Variants in JCAD observed in about 807,000 individuals in gnomAD.
JCAD encodes junctional cadherin 5 associated, also known as junctional cadherin 5-associated protein.
Under a neutral mutation model 98.0 loss-of-function variants are expected in JCAD, and 40 were observed. The observed-to-expected ratio is 0.41, with a 90% CI of 0.32 to 0.53. The LOEUF (loss-of-function observed/expected upper bound fraction) is 0.53, where lower values mean the gene tolerates loss of function less well. Among genes scored for constraint, JCAD ranks in the 20% least tolerant of loss-of-function variants. The probability of loss-of-function intolerance (pLI) is 0.31; values close to 1 mark genes in which losing one functional copy is unlikely to be tolerated. For missense variants in JCAD, 1,705 were observed against 1,738.1 expected, an observed-to-expected ratio of 0.98 and a Z score of 0.34; for synonymous variants, 691 against 682.3, an observed-to-expected ratio of 1.01 and a Z score of -0.20.
chr10:30,029,509 T>A lies in JCAD; in HGVS notation c.639A>T (p.Pro213=). The change falls in exon 3 of 4, where the codon CCA becomes CCT. Residue 213 remains proline, a synonymous_variant. Coordinates refer to ENST00000375377, the MANE Select transcript of JCAD (RefSeq NM_020848.4). ...DGERLFQDLY[P]FIQGEHVLNS... is the part of the protein sequence containing the mutation. ...TCAACACATGTTCTCCTTGAATGAA[T>A]GGGTACAGGTCTTGAAACAGTCTCT... 6 of 1,614,216 alleles carry A rather than the reference T, an allele frequency of 3.7e-6. No homozygotes were observed. The highest frequency in any genetic ancestry group is 5.1e-6 in the Non-Finnish European group (6 of 1,180,030).
At position 30,016,876 on chromosome 10, in the gene JCAD, A is replaced by G. The variant is rs941068883; in HGVS notation, c.*1007T>C. Reference sequence around the variant, plus strand: ...AAGTTTCTTTTATTAACCCTGTGATATGTCTATATTGACATTTTCTAAGAT... The same window carrying G: ...AAGTTTCTTTTATTAACCCTGTGATGTGTCTATATTGACATTTTCTAAGAT... On this transcript the variant is annotated 3_prime_UTR_variant, in exon 4 of 4. Transcript: ENST00000375377. The G allele has an allele frequency of 6.6e-6, 1 of 152,230 alleles. No homozygotes were observed. The highest frequency in any genetic ancestry group is 6.5e-5 in the Admixed American group (1 of 15,282). 9.4% of individuals were successfully genotyped at this position (152,230 alleles called of 1,614,324 possible).
At position 30,027,274 on chromosome 10, in the gene JCAD, G is replaced by A. The variant is rs1310505111; in HGVS notation, c.2874C>T (p.His958=). The A allele has an allele frequency of 2.5e-6, 4 of 1,614,198 alleles. No individual in the cohort carries two copies. The South Asian group carries it at 4.4e-5, about 18-fold the overall frequency. Residue 958 remains histidine, a synonymous_variant, in exon 3 of 4, where the codon CAC becomes CAT. Coordinates refer to ENST00000375377, the MANE Select transcript of JCAD (RefSeq NM_020848.4). ...CGTCCATTCCGTTGCTAACCTCCAG[G>A]TGTCTCTTCTCTGCACTCGTGCTTC... The part of the protein sequence containing the change: ...ADGSTSAEKR[H]LEVSNGMDEL...
Position 30,017,652 on chromosome 10 carries a change from A to G in JCAD, c.*231T>C. The G allele has an allele frequency of 3.4e-6, 2 of 595,250 alleles. No individual in the cohort carries two copies. Among genetic ancestry groups the G allele is most frequent in the Non-Finnish European group, 5.9e-6 (2 of 340,208 alleles). The allele number at this position is 595,250 out of a possible 1,614,324, so 36.9% of individuals were successfully genotyped here. The stretch of plus-strand genomic sequence containing the variant: ...ACTCCTTCCTAATTATAGGCATTAA[A>G]TCTTCATGCTATAAAAACAGATGGT... On this transcript the variant is annotated 3_prime_UTR_variant, in exon 4 of 4. Coordinates refer to ENST00000375377, the MANE Select transcript of JCAD (RefSeq NM_020848.4).
chr10:30,054,545 AATC>A (rs1294166065), intron 1 of JCAD, among the ~76,000 whole-genome samples: 62 of 151,944 alleles, frequency 4.1e-4, no homozygotes, highest in East Asian at 5.8e-4. Flanking sequence ...TTTCATCACC[AATC>A]ATCATTATTC....
At chr10:30,060,566 C>T (rs931817195), upstream of JCAD, among the ~76,000 whole-genome samples, 13 of 152,130 alleles carry the variant, frequency 8.5e-5, no homozygotes, top group Non-Finnish European at 1.6e-4. Context: ...TAGTTAAGTC[C>T]ACCCAGACAA....
intron 1 of JCAD, among the ~76,000 whole-genome samples, chr10:30,112,298 A>G (rs1838716264): frequency 6.6e-6 from 1 of 151,708 alleles, no homozygotes; most frequent in African/African-American, 2.4e-5. Flanking sequence ...ACAAAATGAG[A>G]CCCTGTCTCT....
intron 1 of JCAD, among the ~76,000 whole-genome samples, chr10:30,107,595 C>T (rs533221055): frequency 3.3e-5 from 5 of 152,324 alleles, no homozygotes; most frequent in African/African-American, 4.8e-5. Flanking sequence ...GAGCAGCCGT[C>T]GCCACTGCTC....
At chr10:30,110,391 G>A (rs990535856) in intron 1 of JCAD, among the ~76,000 whole-genome samples, 5 of 151,718 alleles carry the variant, frequency 3.3e-5, no homozygotes, top group South Asian at 2.1e-4. Context: ...CAGCTGATGT[G>A]TGGACCAGCT....
At position 30,026,377 on chromosome 10, in the gene JCAD, G is replaced by C. The variant is rs1836797842; in HGVS notation, c.3771C>G (p.Asp1257Glu). The C allele has an allele frequency of 6.2e-7, 1 of 1,614,218 alleles. No individual in the cohort carries two copies. Among genetic ancestry groups the C allele is most frequent in the Non-Finnish European group, 8.5e-7 (1 of 1,180,044 alleles). ...LASPPRRADP[D>E]RLMRMKEVSS... The stretch of plus-strand genomic sequence containing the variant: ...TCACCTCTTTCATTCTCATCAGGCG[G>C]TCAGGGTCTGCTCTCCTAGGCGGGG... Residue 1257 changes from aspartate (D) to glutamate (E), a missense_variant, in exon 3 of 4, where the codon GAC becomes GAG. Coordinates refer to ENST00000375377, the MANE Select transcript of JCAD (RefSeq NM_020848.4).
chr10:30,079,569 TC>T (rs1235306354), intron 1 of JCAD, among the ~76,000 whole-genome samples: 1 of 152,150 alleles, frequency 6.6e-6, no homozygotes, highest in Non-Finnish European at 1.5e-5. Context: ...GTAAACCTCT[TC>T]CTGGTTCCTG....
chr10:30,080,703 G>T (rs971836787), intron 1 of JCAD, among the ~76,000 whole-genome samples: 2 of 151,970 alleles, frequency 1.3e-5, no homozygotes, highest in Admixed American at 6.6e-5. Flanking sequence ...AGGCCACTGA[G>T]TCAGGCCCCC....
At chr10:30,018,189 G>A (rs1384783956) in intron 3 of JCAD, among the ~76,000 whole-genome samples, 1 of 152,066 alleles carries the variant, frequency 6.6e-6, no homozygotes, top group Non-Finnish European at 1.5e-5. Flanking sequence ...TGTTCACCGT[G>A]GAATATACTT....
chr10:30,035,305 T>C (rs924617640), intron 2 of JCAD, among the ~76,000 whole-genome samples: 5 of 152,236 alleles, frequency 3.3e-5, no homozygotes, highest in Non-Finnish European at 5.9e-5. Flanking sequence ...ACTAAGAATT[T>C]TGGGTTAAAC....
At chr10:30,080,288 G>A (rs1423313767) in intron 1 of JCAD, among the ~76,000 whole-genome samples, 1 of 152,096 alleles carries the variant, frequency 6.6e-6, no homozygotes, top group African/African-American at 2.4e-5. Flanking sequence ...TCTTCAAACA[G>A]CAACACAGAG....
At chr10:30,109,894 GTATGGACCAGTTGATA>G (rs1838657858) in intron 1 of JCAD, among the ~76,000 whole-genome samples, 1 of 151,704 alleles carries the variant, frequency 6.6e-6, no homozygotes, top group Admixed American at 6.6e-5. Context: ...ACCAGCAGAT[GTATGGACCAGTTGATA>G]TATGGACCAG....
intron 1 of JCAD, among the ~76,000 whole-genome samples, chr10:30,084,799 A>ATCTG (rs1838141257): frequency 6.6e-6 from 1 of 151,778 alleles, no homozygotes; most frequent in Non-Finnish European, 1.5e-5. Flanking sequence ...CTATCTATCT[A>ATCTG]TCTATCTATC....
chr10:30,051,290 A>ACGCACG (rs1722722829), intron 1 of JCAD, among the ~76,000 whole-genome samples: 1 of 144,386 alleles, frequency 6.9e-6, no homozygotes, highest in Non-Finnish European at 1.6e-5. Flanking sequence ...GCACGCACAC[A>ACGCACG]CACACACACA....
chr10:30,084,425 T>C (rs1313483337), intron 1 of JCAD, among the ~76,000 whole-genome samples: 2 of 152,192 alleles, frequency 1.3e-5, no homozygotes, highest in Non-Finnish European at 1.5e-5. Context: ...GAGGCTGTTT[T>C]TTGAATGAGC....
rs375620035 is a variant in JCAD at position 30,027,554 on chromosome 10, T to C, written c.2594A>G (p.Glu865Gly). Residue 865 changes from glutamate (E) to glycine (G), a missense_variant, in exon 3 of 4, where the codon GAG becomes GGG. Glu to Gly is a moderately conservative substitution (Grantham distance 98). This residue lies in a region of JCAD where 1,278 missense variants were observed against 1,243.1 expected (regional missense o/e 1.03). Transcript: ENST00000375377. ...SSSSSEESEA[E>G]PQQENRAHCR... ...GTGAGCACGGTTCTCCTGCTGCGGC[T>C]CCGCCTCACTCTCCTCACTGCTGCT... is the stretch of plus-strand genomic sequence containing the variant. 2 of 1,613,942 alleles carry C rather than the reference T, an allele frequency of 1.2e-6. No homozygotes were observed.
Sources: allele counts gnomAD v4.1 joint callset (sites outside exome capture counted in the v4.1 genomes callset), GRCh38; gene constraint gnomAD v4.1.1; regional missense constraint gnomAD v4.1.1; transcripts MANE v1.5; gene names NCBI Gene and HGNC (gene_info 2026-07-23, HGNC 2026-07-21).